The following AVEN variants were observed in gnomAD, a reference collection of about 807,000 sequenced individuals.
AVEN encodes apoptosis and caspase activation inhibitor.
Under a neutral mutation model 38.1 loss-of-function variants are expected in AVEN, and 41 were observed. The observed-to-expected ratio is 1.08, with a 90% CI of 0.84 to 1.40. The LOEUF (loss-of-function observed/expected upper bound fraction) is 1.40. AVEN is among the 40% of genes most tolerant of loss of function. The pLI is 0.00. For missense variants in AVEN, 605 were observed against 438.8 expected (o/e 1.38, Z -3.38); for synonymous variants, 206 against 171.8 (o/e 1.20, Z -1.56).
At chr15:33,944,676 G>T (rs1894442288) in intron 2 of AVEN, among the ~76,000 whole-genome samples, 1 of 152,190 alleles carries the variant, frequency 6.6e-6, no homozygotes, top group African/African-American at 2.4e-5. Context: ...GGGCGTGGTG[G>T]CCGGCGCCTG....
At chr15:34,031,541 T>C (rs1898825174) in intron 1 of AVEN, among the ~76,000 whole-genome samples, 1 of 152,198 alleles carries the variant, frequency 6.6e-6, no homozygotes, top group Non-Finnish European at 1.5e-5. Context: ...TAAAGAAATA[T>C]GGATCAGACA....
At chr15:33,857,311 C>G (rs950628246), downstream of AVEN, among the ~76,000 whole-genome samples, 1 of 152,062 alleles carries the variant, frequency 6.6e-6, no homozygotes, top group South Asian at 2.1e-4. Flanking sequence ...CTCTCGCTGC[C>G]GCTTCCCCTG....
intron 5 of AVEN, among the ~76,000 whole-genome samples, chr15:34,057,711 C>T (rs993226272): frequency 9.2e-5 from 14 of 152,130 alleles, no homozygotes; most frequent in Admixed American, 3.9e-4. Flanking sequence ...GCAGGAGGAT[C>T]GCTTGAGGCC....
In AVEN at chr15:34,020,429, T is replaced by C. The variant is rs80277984; in HGVS notation, c.268-17220A>G. ...ACAATATAAATCCAAGGAGGCAAATTAGAAATTTGGTTGAAACAATACTAT... is the reference window on the plus strand; with the variant it reads ...ACAATATAAATCCAAGGAGGCAAATCAGAAATTTGGTTGAAACAATACTAT... On this transcript the variant is annotated intron_variant, in intron 1 of 5. Transcript: ENST00000306730. Among the ~76,000 whole-genome samples, 925 of 152,348 alleles carry C rather than the reference T, an allele frequency of 6.1e-3. 21 individuals carry two copies. Among genetic ancestry groups the C allele is most frequent in the Admixed American group, 0.044 (670 of 15,298 alleles).
intron 2 of AVEN, among the ~76,000 whole-genome samples, chr15:33,933,044 T>C (rs1893910587): frequency 6.6e-6 from 1 of 152,112 alleles, no homozygotes; most frequent in South Asian, 2.1e-4. Flanking sequence ...TATTTCCTAT[T>C]TGGATCCCAT....
rs1890529791 is a variant in AVEN, at chr15:33,866,545, G to C, written c.*68C>G. The C allele has an allele frequency of 8.3e-7, 1 of 1,202,458 alleles. No individual in the cohort carries two copies. Among genetic ancestry groups the C allele is most frequent in the African/African-American group, 1.5e-5 (1 of 66,576 alleles). The allele number at this position is 1,202,458 out of a possible 1,614,324, so 74.5% of individuals were successfully genotyped here. Reference sequence around the variant, plus strand: ...GCTTGTAAACTGGCTGGTCCTGAAGGACAGCCTTATGCCCACCTGCCGTTA... The same window carrying C: ...GCTTGTAAACTGGCTGGTCCTGAAGCACAGCCTTATGCCCACCTGCCGTTA... On this transcript the variant is annotated 3_prime_UTR_variant, in exon 6 of 6. Transcript: ENST00000306730.
intron 2 of AVEN, among the ~76,000 whole-genome samples, chr15:33,937,272 C>A (rs1359216734): frequency 2.0e-5 from 3 of 151,824 alleles, no homozygotes. Context: ...CGGTGGCTCA[C>A]GCCTGTAATC....
At chr15:33,883,818 G>T (rs1165126208) in intron 2 of AVEN, 1 of 152,064 alleles carries the variant, frequency 6.6e-6, no homozygotes, top group African/African-American at 2.4e-5. Flanking sequence ...TTTTCTTGAG[G>T]GCAGGGACCT....
intron 2 of AVEN, among the ~76,000 whole-genome samples, chr15:33,915,314 G>A (rs1893088855): frequency 6.6e-6 from 1 of 152,118 alleles, no homozygotes; most frequent in African/African-American, 2.4e-5. Flanking sequence ...GCTCCTGTAG[G>A]CCACAGGAGA....
upstream of AVEN, chr15:34,039,209 C>T: frequency 2.2e-6 from 1 of 459,186 alleles, no homozygotes; most frequent in Non-Finnish European, 2.9e-6. Flanking sequence ...CGCAGCGGAG[C>T]GGGGCGGGGC....
chr15:33,880,428 C>T (rs1046527156), intron 2 of AVEN, among the ~76,000 whole-genome samples: 4 of 152,128 alleles, frequency 2.6e-5, no homozygotes, highest in African/African-American at 9.7e-5. Context: ...ACTGGGAGGA[C>T]AAAAACTAGA....
chr15:33,863,031 ACGTGTC>A (rs1269478785), downstream of AVEN, among the ~76,000 whole-genome samples: 1 of 152,234 alleles, frequency 6.6e-6, no homozygotes. Context: ...GCCCATGGCC[ACGTGTC>A]TGTACCCATG....
intron 2 of AVEN, among the ~76,000 whole-genome samples, chr15:33,918,458 C>CTTTTTTTTTTTTTTTTT (rs33928063): frequency 3.6e-5 from 3 of 84,504 alleles, no homozygotes; most frequent in South Asian, 5.6e-4. Context: ...TAAATTACAG[C>CTTTTTTTTTTTTTTTTT]TTTTTTTTTT....
intron 1 of AVEN, among the ~76,000 whole-genome samples, chr15:34,005,667 T>G (rs1897309904): frequency 6.6e-6 from 1 of 152,222 alleles, no homozygotes; most frequent in South Asian, 2.1e-4. Context: ...CCCTCTTTCA[T>G]CGAGGAAATT....
At chr15:33,921,110 C>A (rs1893380499) in intron 2 of AVEN, among the ~76,000 whole-genome samples, 1 of 152,208 alleles carries the variant, frequency 6.6e-6, no homozygotes, top group Admixed American at 6.5e-5. Context: ...TTTATGTGTG[C>A]CCTTGATAAC....
intron 5 of AVEN, chr15:34,046,783 C>T (rs1251584887): frequency 6.6e-6 from 1 of 152,432 alleles, no homozygotes; most frequent in African/African-American, 2.4e-5. Context: ...ACTTGACCCA[C>T]AGAAAACAAA....
chr15:34,011,552 G>A (rs1897638882), intron 1 of AVEN, among the ~76,000 whole-genome samples: 2 of 152,184 alleles, frequency 1.3e-5, no homozygotes, highest in African/African-American at 2.4e-5. Flanking sequence ...AAATTCAACT[G>A]TTTCTCTAGC....
At position 34,030,900 on chromosome 15, in the gene AVEN, G is replaced by A. The variant is rs181791955; in HGVS notation, c.267+7880C>T. On this transcript the variant is annotated intron_variant, in intron 1 of 5. Transcript: ENST00000306730. ...CCCAAAGTGCTGGGATTACAGGTAT[G>A]AGCCACTACACCTGGCCTAAATATT... 3.2e-3 allele frequency among the ~76,000 whole-genome samples: 490 copies of A among 152,128 alleles called. 3 individuals are homozygous for A. The highest frequency in any genetic ancestry group is 5.1e-3 in the Non-Finnish European group (344 of 68,000).
At chr15:33,891,008 CTGAGA>C (rs1310351035) in intron 2 of AVEN, among the ~76,000 whole-genome samples, 2 of 151,908 alleles carry the variant, frequency 1.3e-5, no homozygotes, top group Non-Finnish European at 2.9e-5. Flanking sequence ...ACTTGAGAGG[CTGAGA>C]TGAGAGGATT....
Sources: allele counts gnomAD v4.1 joint callset (sites outside exome capture counted in the v4.1 genomes callset), GRCh38; gene constraint gnomAD v4.1.1; transcripts MANE v1.5; gene names NCBI Gene and HGNC (gene_info 2026-07-23, HGNC 2026-07-21).